The following RBFOX1 variants were observed in gnomAD, a reference collection of about 807,000 sequenced individuals.
RBFOX1 encodes RNA binding fox-1 homolog 1, also known as RNA binding protein fox-1 homolog 1.
RBFOX1 carries 8 observed loss-of-function variants against 57.7 expected under a neutral mutation model. The observed-to-expected ratio is 0.14, with a 90% CI of 0.08 to 0.25. RBFOX1 has a LOEUF of 0.25. Among genes scored for constraint, RBFOX1 ranks in the 10% least tolerant of loss-of-function variants. The pLI, the probability that RBFOX1 is intolerant of heterozygous loss-of-function variation, is 1.00. For missense variants in RBFOX1, 611 were observed against 548.5 expected, an observed-to-expected ratio of 1.11 and a Z score of -1.14; for synonymous variants, 326 against 222.4, an observed-to-expected ratio of 1.47 and a Z score of -4.15.
At chr16:6,609,007 C>G (rs748298998) in intron 2 of RBFOX1, among the ~76,000 whole-genome samples, 27 of 152,294 alleles carry the variant, frequency 1.8e-4, no homozygotes, top group Middle Eastern at 6.8e-3. Context: ...TCCATCAGGT[C>G]ACTCTGACCT....
rs74005027 is a variant in RBFOX1, at chr16:6,243,388, T to G, written c.-126-73607T>G. 1.8e-3 allele frequency among the ~76,000 whole-genome samples: 272 copies of G among 152,324 alleles called. 2 individuals are homozygous for G. The highest frequency in any genetic ancestry group is 4.7e-3 in the African/African-American group (196 of 41,578). On this transcript the variant is annotated intron_variant, in intron 1 of 15. Transcript: ENST00000550418. ...TGGAGGTTTGGAAAGCATATTCCAATGTTCTTCCAATAATGCCTGTTATAA... is the reference window on the plus strand; with the variant it reads ...TGGAGGTTTGGAAAGCATATTCCAAGGTTCTTCCAATAATGCCTGTTATAA...
intron 3 of RBFOX1, among the ~76,000 whole-genome samples, chr16:6,709,708 C>T (rs149897265): frequency 5.3e-5 from 8 of 152,110 alleles, no homozygotes; most frequent in Middle Eastern, 3.4e-3. Flanking sequence ...TACAGTGTTG[C>T]GGGTTTCGGT....
At chr16:7,236,491 A>G (rs2093773951) in intron 4 of RBFOX1, among the ~76,000 whole-genome samples, 3 of 152,022 alleles carry the variant, frequency 2.0e-5, no homozygotes, top group Admixed American at 2.0e-4. Context: ...TGGTTCCTAA[A>G]TGCATCCATC....
chr16:5,916,698 G>A (rs568222446), intron 4 of RBFOX1, among the ~76,000 whole-genome samples: 68 of 152,206 alleles, frequency 4.5e-4, no homozygotes, highest in African/African-American at 1.5e-3. Context: ...TGGTTGTCAG[G>A]TGAGAAAGCT....
intron 1 of RBFOX1, among the ~76,000 whole-genome samples, chr16:6,139,403 G>A: frequency 6.6e-6 from 1 of 152,124 alleles, no homozygotes; most frequent in East Asian, 1.9e-4. Context: ...TTCTCCATGT[G>A]GGATGTTCCA....
chr16:7,564,067 C>T (rs1378121913), intron 5 of RBFOX1, among the ~76,000 whole-genome samples: 1 of 152,022 alleles, frequency 6.6e-6, no homozygotes, highest in Non-Finnish European at 1.5e-5. Context: ...GAATTGTGTC[C>T]CCTACTCCAG....
intron 3 of RBFOX1, among the ~76,000 whole-genome samples, chr16:6,961,005 A>C (rs1003833569): frequency 1.3e-5 from 2 of 148,322 alleles, no homozygotes; most frequent in African/African-American, 4.9e-5. Flanking sequence ...TTAGCTGGGC[A>C]TGGTGGCCAG....
intron 4 of RBFOX1, among the ~76,000 whole-genome samples, chr16:7,396,815 C>G (rs975717665): frequency 6.6e-6 from 1 of 152,112 alleles, no homozygotes; most frequent in South Asian, 2.1e-4. Context: ...GTGGTGTGCT[C>G]CTGTAATCCC....
Position 6,045,614 on chromosome 16 carries a change from A to G in RBFOX1, c.-127+25622A>G, listed in dbSNP as rs1255142048. Among the ~76,000 whole-genome samples, 6 of 152,366 alleles carry G rather than the reference A, an allele frequency of 3.9e-5. No homozygotes were observed. In the East Asian group the frequency reaches 5.8e-4, roughly 15 times the overall value. ...TGCTGAGAATAAATCAATGACAAAGATAAATGAGGTTCTTGACCTTGGCTA... is the reference window on the plus strand; with the variant it reads ...TGCTGAGAATAAATCAATGACAAAGGTAAATGAGGTTCTTGACCTTGGCTA... On this transcript the variant is annotated intron_variant, in intron 1 of 15. Coordinates refer to ENST00000550418, the MANE Select transcript of RBFOX1 (RefSeq NM_018723.4).
intron 4 of RBFOX1, among the ~76,000 whole-genome samples, chr16:5,962,610 C>G (rs1272556476): frequency 2.0e-5 from 3 of 152,138 alleles, no homozygotes; most frequent in African/African-American, 4.8e-5. Context: ...CATAGTCATT[C>G]ATTCACTGAG....
At chr16:7,259,238 C>G (rs1310817621) in intron 4 of RBFOX1, among the ~76,000 whole-genome samples, 1 of 152,120 alleles carries the variant, frequency 6.6e-6, no homozygotes, top group Non-Finnish European at 1.5e-5. Context: ...TACAATTAAA[C>G]TGAAGGAAGG....
chr16:7,362,547 AGT>A (rs2097348917), intron 4 of RBFOX1, among the ~76,000 whole-genome samples: 2 of 149,328 alleles, frequency 1.3e-5, no homozygotes, highest in Admixed American at 1.3e-4. Flanking sequence ...TGTAGATGTT[AGT>A]GTGTGGATGT....
Position 6,336,759 on chromosome 16 carries a change from G to A in RBFOX1, c.-64+19702G>A, listed in dbSNP as rs149348763. 8.3e-4 allele frequency among the ~76,000 whole-genome samples: 126 copies of A among 152,208 alleles called. 1 individual carries two copies. The highest frequency in any genetic ancestry group is 2.9e-3 in the African/African-American group (120 of 41,530). ...TGCACAGCAGGACAGGCTATGCAGT[G>A]GGAAAGTACCACTGTAAGGAAGACT... On this transcript the variant is annotated intron_variant, in intron 2 of 15. Coordinates refer to ENST00000550418, the MANE Select transcript of RBFOX1 (RefSeq NM_018723.4).
intron 1 of RBFOX1, among the ~76,000 whole-genome samples, chr16:6,207,189 T>C (rs1423831167): frequency 1.3e-5 from 2 of 152,212 alleles, no homozygotes; most frequent in Non-Finnish European, 2.9e-5. Context: ...TTCGTTTCCC[T>C]GTCTTTTCCC....
intron 2 of RBFOX1, among the ~76,000 whole-genome samples, chr16:5,552,808 C>G (rs990416494): frequency 4.7e-5 from 7 of 148,314 alleles, no homozygotes. Flanking sequence ...CAAACATACC[C>G]CCAGGCCTCG....
chr16:6,498,637 G>A (rs2095838616), intron 2 of RBFOX1, among the ~76,000 whole-genome samples: 1 of 152,174 alleles, frequency 6.6e-6, no homozygotes, highest in Admixed American at 6.5e-5. Flanking sequence ...CTAGCACAAT[G>A]TCTGCCCATA....
chr16:5,506,438 A>G (rs534988525), intron 2 of RBFOX1, among the ~76,000 whole-genome samples: 55 of 152,310 alleles, frequency 3.6e-4, no homozygotes, highest in African/African-American at 1.3e-3. Context: ...TTCCAAGTTC[A>G]GGTACGTGAA....
In RBFOX1 at chr16:6,181,262, G is replaced by A. The variant is rs142455725; in HGVS notation, c.-126-135733G>A. Among the ~76,000 whole-genome samples the A allele has an allele frequency of 3.7e-4, 57 of 152,276 alleles. No homozygotes were observed. In the East Asian group the frequency reaches 0.011, roughly 28 times the overall value. The stretch of plus-strand genomic sequence containing the variant: ...GAGCTCCTTTTGGACCATGGCAACT[G>A]AGCTGCCAGTACTCATAGCCTACTC... On this transcript the variant is annotated intron_variant, in intron 1 of 15. Transcript: ENST00000550418.
In RBFOX1 at chr16:6,658,323, C is replaced by T. The variant is rs182805992; in HGVS notation, c.-16+3673C>T. Among the ~76,000 whole-genome samples the T allele has an allele frequency of 4.6e-5, 7 of 151,856 alleles. No individual in the cohort carries two copies. In the East Asian group the frequency reaches 1.4e-3, roughly 30 times the overall value. On this transcript the variant is annotated intron_variant, in intron 3 of 15. Transcript: ENST00000550418. ...GATCGTGATCTCAGCTCATTGCAACCTCCGCCTCCCGGGTTCAAGCGATTC... is the reference window on the plus strand; with the variant it reads ...GATCGTGATCTCAGCTCATTGCAACTTCCGCCTCCCGGGTTCAAGCGATTC...
Sources: gnomAD v4.1 joint callset for allele counts (sites outside exome capture counted in the v4.1 genomes callset) on GRCh38, gnomAD v4.1.1 for gene constraint, MANE v1.5 for transcripts, NCBI Gene and HGNC (gene_info 2026-07-23, HGNC 2026-07-21) for gene names.